The following ASMTL variants were observed in gnomAD, a reference collection of about 807,000 sequenced individuals.
The protein encoded by ASMTL is acetylserotonin O-methyltransferase like, also known as probable bifunctional dTTP/UTP pyrophosphatase/methyltransferase protein.
ASMTL carries 57 observed loss-of-function variants against 60.3 expected under a neutral mutation model. The ratio of observed to expected loss-of-function variants is 0.95; its 90% confidence interval spans 0.76 to 1.18. The LOEUF (loss-of-function observed/expected upper bound fraction) is 1.18, where lower values mean the gene tolerates loss of function less well. Among genes scored for constraint, ASMTL ranks in the 50% most tolerant of loss-of-function variants. The pLI is 0.00. For missense variants in ASMTL, 981 were observed against 852.6 expected, an observed-to-expected ratio of 1.15 and a Z score of -1.88; for synonymous variants, 419 against 373.0, an observed-to-expected ratio of 1.12 and a Z score of -1.42.
In ASMTL at chrX:1,452,862, G is replaced by A. The variant is rs762692786; in HGVS notation, c.-22C>T. On this transcript the variant is annotated 5_prime_UTR_variant, in exon 1 of 13. Transcript: ENST00000381317. ...CCATGGCGTCCACGCCGGGAGCCGG[G>A]CGTCCGCACTTCTGAGCCCGGAGCC... 1 of 1,539,410 alleles carries A rather than the reference G, an allele frequency of 6.5e-7. No individual in the cohort carries two copies. Among genetic ancestry groups the A allele is most frequent in the Non-Finnish European group, 8.7e-7 (1 of 1,149,686 alleles).
intron 1 of ASMTL, among the ~76,000 whole-genome samples, chrX:1,443,359 T>G (rs370462392): frequency 0.013 from 548 of 43,430 alleles, 61 homozygotes; most frequent in African/African-American, 0.024. Flanking sequence ...CACCGCCATC[T>G]TGGACACACA....
intron 11 of ASMTL, chrX:1,414,073 G>A (rs1194111526): frequency 2.0e-5 from 3 of 147,942 alleles, no homozygotes; most frequent in East Asian, 2.1e-4. Context: ...GGCCCTAAAT[G>A]CAATGGCAGG....
chrX:1,415,218 G>A (rs1252140771), intron 11 of ASMTL, among the ~76,000 whole-genome samples: 1 of 152,134 alleles, frequency 6.6e-6, no homozygotes, highest in African/African-American at 2.4e-5. Flanking sequence ...TGGGATTCCA[G>A]GCGTCTCCTG....
intron 1 of ASMTL, among the ~76,000 whole-genome samples, chrX:1,447,310 G>A (rs1470186112): frequency 7.2e-5 from 11 of 152,126 alleles, no homozygotes; most frequent in Admixed American, 5.9e-4. Context: ...ACACCATCTT[G>A]GACACACACC....
chrX:1,438,414 G>T (rs28537349), intron 3 of ASMTL, among the ~76,000 whole-genome samples: 3 of 151,814 alleles, frequency 2.0e-5, no homozygotes, highest in African/African-American at 7.2e-5. Context: ...CAGCCTCTAG[G>T]AGCTGGAGAA....
intron 11 of ASMTL, among the ~76,000 whole-genome samples, chrX:1,414,884 C>G (rs1229006855): frequency 9.9e-5 from 15 of 152,194 alleles, no homozygotes; most frequent in Non-Finnish European, 1.5e-4. Flanking sequence ...CCTGTGCCCA[C>G]AGGCCTGGCC....
In ASMTL at chrX:1,437,619, C is replaced by T. The variant is rs540534337; in HGVS notation, c.273+1478G>A. Among the ~76,000 whole-genome samples, 63 of 152,266 alleles carry T rather than the reference C, an allele frequency of 4.1e-4. No individual in the cohort carries two copies. The South Asian group carries it at 0.012, about 30-fold the overall frequency. On this transcript the variant is annotated intron_variant, in intron 3 of 12. Coordinates refer to ENST00000381317, the MANE Select transcript of ASMTL (RefSeq NM_004192.4). ...TGGCTTATGAACAAAAGACATGGGC[C>T]GGGCGTGGTGGCTCACGCCTGTAAT...
rs771312814 is a variant in ASMTL, at chrX:1,412,800, A to T, written c.1577T>A (p.Ile526Asn). The part of the protein sequence containing the change: ...PSAELYVLCR[I>N]LHDWPDDKVH... ...TTTGTCGTCTGGCCAGTCATGCAGG[A>T]TCCGGCACAGGACGTACAGCTCAGC... The change falls in exon 12 of 13, where the codon ATC becomes AAC. Residue 526 changes from isoleucine (I) to asparagine (N), a missense_variant. Coordinates refer to ENST00000381317, the MANE Select transcript of ASMTL (RefSeq NM_004192.4). 4.3e-6 allele frequency: 7 copies of T among 1,613,978 alleles called. No homozygotes were observed. In the South Asian group the frequency reaches 6.6e-5, roughly 15 times the overall value.
At chrX:1,439,709 A>G (rs1431625682) in intron 2 of ASMTL, among the ~76,000 whole-genome samples, 1 of 151,494 alleles carries the variant, frequency 6.6e-6, no homozygotes, top group Non-Finnish European at 1.5e-5. Flanking sequence ...TCAGTCGGGC[A>G]CCTGTAATCT....
At chrX:1,408,085 CAAAT>C (rs1407076544) in intron 12 of ASMTL, among the ~76,000 whole-genome samples, 3 of 151,288 alleles carry the variant, frequency 2.0e-5, no homozygotes, top group African/African-American at 7.3e-5. Context: ...CTGGTACTCC[CAAAT>C]ACTCGGGAGG....
intron 9 of ASMTL, 89 bp from the exon 10 acceptor site, chrX:1,419,203 G>A: frequency 1.3e-6 from 2 of 1,492,714 alleles, no homozygotes; most frequent in South Asian, 1.2e-5. Flanking sequence ...GAGAAGTGCA[G>A]GGCTCCAGAG....
chrX:1,416,550 G>C (rs1225862284), intron 11 of ASMTL, among the ~76,000 whole-genome samples: 1 of 86,244 alleles, frequency 1.2e-5, no homozygotes, highest in Non-Finnish European at 2.9e-5. Context: ...CGGACACACA[G>C]AGATACCCCA....
At position 1,443,428 on chromosome X, in the gene ASMTL, C is replaced by T. The variant is rs1308912785; in HGVS notation, c.94-1111G>A. 3.5e-5 allele frequency among the ~76,000 whole-genome samples: 5 copies of T among 143,476 alleles called. 1 individual carries two copies. In the South Asian group the frequency reaches 6.7e-4, roughly 19 times the overall value. 94.1% of individuals were successfully genotyped at this position (143,476 alleles called of 152,430 possible). A position where few individuals can be genotyped will look rare whatever the true frequency, so the allele number is the denominator to read the frequency against. On this transcript the variant is annotated intron_variant, in intron 1 of 12. Transcript: ENST00000381317. ...ACACGCCGCCATCTTGGACACACAC[C>T]GCCATCTTGGACAGACACCGCCATC...
At chrX:1,433,302 A>AG (rs2090859737) in intron 5 of ASMTL, among the ~76,000 whole-genome samples, 1 of 151,832 alleles carries the variant, frequency 6.6e-6, no homozygotes. Flanking sequence ...TCATGGGAAC[A>AG]GGGGGAGGGG....
chrX:1,439,055 C>A, intron 3 of ASMTL, 42 bp downstream of exon 3: 1 of 1,608,374 alleles, frequency 6.2e-7, no homozygotes, highest in South Asian at 1.1e-5. Context: ...CACAGGAAAA[C>A]CACATCGGAC....
intron 1 of ASMTL, among the ~76,000 whole-genome samples, chrX:1,443,895 C>T (rs1477088386): frequency 6.6e-6 from 1 of 152,082 alleles, no homozygotes; most frequent in Non-Finnish European, 1.5e-5. Flanking sequence ...ACAGACACCC[C>T]CATCATGGAC....
intron 7 of ASMTL, 69 bp from the exon 8 acceptor site, chrX:1,425,756 A>C: frequency 6.6e-7 from 1 of 1,519,998 alleles, no homozygotes; most frequent in African/African-American, 1.4e-5. Flanking sequence ...CACAGACTCA[A>C]AAGATGGAGG....
Position 1,435,674 on chromosome X carries a change from G to C in ASMTL, c.338+20C>G. ...GTGGCTCAGAACCCGAGAGGGCTCA[G>C]AGGCCAACATGGTGCTTACCGGGAC... is the stretch of plus-strand genomic sequence containing the variant. On this transcript the variant is annotated intron_variant, in intron 4 of 12. Coordinates refer to ENST00000381317, the MANE Select transcript of ASMTL (RefSeq NM_004192.4). 6.2e-7 allele frequency: 1 copy of C among 1,613,282 alleles called. No homozygotes were observed. Among genetic ancestry groups the C allele is most frequent in the Non-Finnish European group, 8.5e-7 (1 of 1,179,682 alleles).
intron 1 of ASMTL, among the ~76,000 whole-genome samples, chrX:1,452,530 G>A (rs1286649842): frequency 2.0e-5 from 3 of 149,498 alleles, no homozygotes; most frequent in Non-Finnish European, 4.5e-5. Flanking sequence ...CCATGCCTAG[G>A]GGGTTCCGGG....
Sources: allele counts gnomAD v4.1 joint callset (sites outside exome capture counted in the v4.1 genomes callset), GRCh38; gene constraint gnomAD v4.1.1; transcripts MANE v1.5; gene names NCBI Gene and HGNC (gene_info 2026-07-23, HGNC 2026-07-21).